Variants in EIF3A observed in about 807,000 individuals in gnomAD.
The protein encoded by EIF3A is eukaryotic translation initiation factor 3 subunit A.
EIF3A carries 21 observed loss-of-function variants against 186.6 expected under a neutral mutation model. That is an observed-to-expected ratio of 0.11 (90% confidence interval 0.08 to 0.16). EIF3A has a LOEUF of 0.16. Among genes scored for constraint, EIF3A ranks in the 10% least tolerant of loss-of-function variants. The pLI, the probability that EIF3A is intolerant of heterozygous loss-of-function variation, is 1.00. For synonymous variants in EIF3A, 563 were observed against 584.3 expected (o/e 0.96, Z 0.52); for missense variants, 1,306 against 1,796.3 (o/e 0.73, Z 4.93).
chr10:119,044,238 A>T, intron 17 of EIF3A, 96 bp from the exon 18 acceptor site: 1 of 801,574 alleles, frequency 1.2e-6, no homozygotes, highest in Non-Finnish European at 2.1e-6. Flanking sequence ...TACTTATAAC[A>T]ATATGAAGCC....
chr10:119,078,719 C>A (rs1207018921), intron 1 of EIF3A, among the ~76,000 whole-genome samples: 1 of 152,178 alleles, frequency 6.6e-6, no homozygotes, highest in Non-Finnish European at 1.5e-5. Flanking sequence ...CCCCCAGTGT[C>A]CCTCATCTTG....
At chr10:119,073,414 C>T (rs1442025034) in intron 3 of EIF3A, 27 bp downstream of exon 3, 15 of 1,509,090 alleles carry the variant, frequency 9.9e-6, no homozygotes, top group Non-Finnish European at 1.3e-5. Flanking sequence ...ACTATCAAAG[C>T]ATTTATTAGA....
intron 6 of EIF3A, among the ~76,000 whole-genome samples, chr10:119,067,571 G>A (rs192571258): frequency 6.6e-6 from 1 of 152,128 alleles, no homozygotes; most frequent in African/African-American, 2.4e-5. Context: ...TCCATCTGGA[G>A]CAAGGAAGCA....
At chr10:119,067,294 A>AAATATGCTAG (rs1843996741) in intron 6 of EIF3A, among the ~76,000 whole-genome samples, 1 of 151,128 alleles carries the variant, frequency 6.6e-6, no homozygotes, top group Non-Finnish European at 1.5e-5. Context: ...GTTTCTAAGA[A>AAATATGCTAG]AATATGCTAG....
intron 19 of EIF3A, among the ~76,000 whole-genome samples, chr10:119,040,161 C>T (rs949447799): frequency 1.3e-5 from 2 of 152,208 alleles, no homozygotes; most frequent in African/African-American, 2.4e-5. Flanking sequence ...GCACTTACAA[C>T]AACTGCTCTG....
At position 119,038,457 on chromosome 10, in the gene EIF3A, C is replaced by G. The variant is rs1477092103; in HGVS notation, c.3527-18G>C. 1 of 1,578,234 alleles carries G rather than the reference C, an allele frequency of 6.3e-7. No homozygotes were observed. Among genetic ancestry groups the G allele is most frequent in the African/African-American group, 1.4e-5 (1 of 72,884 alleles). ...CCATCCACCTGTTTTTTTGAAAAAGCAAAACATTTTTAAAATATTTTTAAA... is the reference window on the plus strand; with the variant it reads ...CCATCCACCTGTTTTTTTGAAAAAGGAAAACATTTTTAAAATATTTTTAAA... On this transcript the variant is annotated intron_variant, in intron 19 of 21. Coordinates refer to ENST00000369144, the MANE Select transcript of EIF3A (RefSeq NM_003750.4).
chr10:119,074,662 G>A (rs1363422167), intron 1 of EIF3A, among the ~76,000 whole-genome samples: 3 of 150,254 alleles, frequency 2.0e-5, no homozygotes, highest in Admixed American at 6.6e-5. Context: ...GGCCGGGAGC[G>A]GTGGCTTATG....
At position 119,080,611 on chromosome 10, in the gene EIF3A, C is replaced by G. The variant is rs769161570; in HGVS notation, c.49+17G>C. 1.3e-5 allele frequency: 20 copies of G among 1,576,732 alleles called. No homozygotes were observed. The African/African-American group carries it at 2.6e-4, about 21-fold the overall frequency. On this transcript the variant is annotated intron_variant, in intron 1 of 21. Transcript: ENST00000369144. Reference sequence around the variant, plus strand: ...CTCGGGCCGCCCCAGCCCGGCGCGCCCCGATCAGCTACTCACCGTTGGCGC... The same window carrying G: ...CTCGGGCCGCCCCAGCCCGGCGCGCGCCGATCAGCTACTCACCGTTGGCGC...
chr10:119,043,185 G>A (rs763361533), intron 18 of EIF3A, among the ~76,000 whole-genome samples: 2 of 152,082 alleles, frequency 1.3e-5, no homozygotes, highest in African/African-American at 2.4e-5. Flanking sequence ...TTGGGAGGCC[G>A]AGGCAGGCAG....
intron 19 of EIF3A, among the ~76,000 whole-genome samples, chr10:119,041,662 A>G (rs1848210555): frequency 6.6e-6 from 1 of 152,244 alleles, no homozygotes; most frequent in African/African-American, 2.4e-5. Flanking sequence ...TCAATTATTT[A>G]TTTTTAAAAG....
Position 119,073,734 on chromosome 10 carries a change from G to C in EIF3A, c.240+13C>G, listed in dbSNP as rs45593335. On this transcript the variant is annotated intron_variant, in intron 2 of 21. Transcript: ENST00000369144. ...ACACTTGTTAAAAATATACAACCCA[G>C]TTCCGTTTGTACCTGTTGACAAATG... 0.015 allele frequency: 23,690 copies of C among 1,586,746 alleles called. 234 individuals are homozygous for C. Among genetic ancestry groups the C allele is most frequent in the Non-Finnish European group, 0.018 (21,302 of 1,167,166 alleles).
Position 119,051,218 on chromosome 10 carries a change from G to A in EIF3A, c.2300C>T (p.Ala767Val), listed in dbSNP as rs141604213. ...GCTCACCTCATAAACAGACTGCCGT[G>A]CAGCTTTGAGTCGCATTACGAATAA... The part of the protein sequence containing the change: ...RDLFVMRLKA[A>V]RQSVYEEKLK... The change falls in exon 15 of 22, where the codon GCA becomes GTA. Residue 767 changes from alanine (A) to valine (V), a missense_variant. Transcript: ENST00000369144. 4 of 1,609,544 alleles carry A rather than the reference G, an allele frequency of 2.5e-6. No homozygotes were observed. The highest frequency in any genetic ancestry group is 1.3e-5 in the African/African-American group (1 of 74,598).
In EIF3A at chr10:119,057,855, T is replaced by C. The variant is rs527856590; in HGVS notation, c.1977+101A>G. 4.4e-3 allele frequency: 3,931 copies of C among 892,460 alleles called. 13 individuals carry two copies. Among genetic ancestry groups the C allele is most frequent in the Non-Finnish European group, 5.8e-3 (3,328 of 575,858 alleles). The allele number at this position is 892,460 out of a possible 1,614,324, so 55.3% of individuals were successfully genotyped here. On this transcript the variant is annotated intron_variant, in intron 12 of 21. Coordinates refer to ENST00000369144, the MANE Select transcript of EIF3A (RefSeq NM_003750.4). ...TCATGACCAGCTGTACCAAAATGCA[T>C]GAAATAACCCAGTAAGCCAACAAAT...
intron 2 of EIF3A, 65 bp downstream of exon 2, chr10:119,073,681 AG>A: frequency 3.8e-6 from 6 of 1,560,302 alleles, no homozygotes; most frequent in Non-Finnish European, 5.2e-6. Context: ...TCACTTCGAA[AG>A]GTAAGTTCTT....
chr10:119,038,419 T>C lies in EIF3A; in HGVS notation c.3547A>G (p.Lys1183Glu), dbSNP rs953399459. Residue 1183 changes from lysine to glutamate, a missense_variant, in exon 20 of 22, where the codon AAA becomes GAA. Coordinates refer to ENST00000369144, the MANE Select transcript of EIF3A (RefSeq NM_003750.4). ...VKPGGWREKE[K>E]AREESWGPPR... Reference sequence around the variant, plus strand: ...GGACCCCAGCTCTCCTCTCTGGCTTTTTCTTTCTCTCTCCATCCACCTGTT... The same window carrying C: ...GGACCCCAGCTCTCCTCTCTGGCTTCTTCTTTCTCTCTCCATCCACCTGTT... 1 of 1,613,644 alleles carries C rather than the reference T, an allele frequency of 6.2e-7. No individual in the cohort carries two copies. Among genetic ancestry groups the C allele is most frequent in the Non-Finnish European group, 8.5e-7 (1 of 1,179,924 alleles).
At chr10:119,080,508 C>G in intron 1 of EIF3A, 120 bp downstream of exon 1, 1 of 1,407,406 alleles carries the variant, frequency 7.1e-7, no homozygotes, top group African/African-American at 1.5e-5. Context: ...GGCGGGCAGG[C>G]CGCATCGGTC....
chr10:119,071,852 C>G (rs982202054), intron 4 of EIF3A, among the ~76,000 whole-genome samples: 1 of 151,542 alleles, frequency 6.6e-6, no homozygotes, highest in African/African-American at 2.4e-5. Flanking sequence ...GGTGAAACCC[C>G]ATCTCTACTA....
intron 17 of EIF3A, among the ~76,000 whole-genome samples, chr10:119,044,643 T>A (rs1848257961): frequency 2.0e-5 from 3 of 152,160 alleles, no homozygotes. Flanking sequence ...GGTCAGGAGA[T>A]CAAGACCATC....
intron 17 of EIF3A, among the ~76,000 whole-genome samples, chr10:119,049,266 C>T (rs561580128): frequency 2.4e-4 from 37 of 152,218 alleles, no homozygotes; most frequent in African/African-American, 8.7e-4. Context: ...TCAAGACCAA[C>T]CTGGCCAACA....
Sources: gnomAD v4.1 joint callset for allele counts (sites outside exome capture counted in the v4.1 genomes callset) on GRCh38, gnomAD v4.1.1 for gene constraint, MANE v1.5 for transcripts, NCBI Gene and HGNC (gene_info 2026-07-23, HGNC 2026-07-21) for gene names.